The following HDGFL2 variants were observed in gnomAD, a reference collection of about 807,000 sequenced individuals.
The protein encoded by HDGFL2 is HDGF like 2, also known as hepatoma-derived growth factor-related protein 2.
A neutral mutation model predicts 77.1 loss-of-function variants in HDGFL2; 36 were observed. The ratio of observed to expected loss-of-function variants is 0.47; its 90% confidence interval spans 0.36 to 0.62. HDGFL2 has a LOEUF of 0.62. Ranked by LOEUF, HDGFL2 falls within the 20% of genes least tolerant of loss-of-function variation. The pLI is 0.00. For synonymous variants in HDGFL2, 463 were observed against 413.1 expected (o/e 1.12, Z -1.46); for missense variants, 976 against 973.4 (o/e 1.00, Z -0.04).
intron 3 of HDGFL2, among the ~76,000 whole-genome samples, chr19:4,486,972 CTT>C (rs374433934): frequency 6.8e-6 from 1 of 148,128 alleles, no homozygotes. Flanking sequence ...CTCTCTCTCT[CTT>C]TTTTTTTTTG....
chr19:4,498,996 C>A (rs1334786720), intron 13 of HDGFL2, 81 bp downstream of exon 13: 6 of 989,532 alleles, frequency 6.1e-6, no homozygotes, highest in Non-Finnish European at 9.3e-6. Flanking sequence ...AGGCCCCCAG[C>A]AGGTTCCTGT....
Position 4,494,149 on chromosome 19 carries a change from G to A in HDGFL2, c.915-17G>A. The A allele has an allele frequency of 2.7e-6, 4 of 1,488,020 alleles. No individual in the cohort carries two copies. The highest frequency in any genetic ancestry group is 2.5e-5 in the Admixed American group (1 of 40,542). 92.2% of individuals were successfully genotyped at this position (1,488,020 alleles called of 1,614,324 possible). A position where few individuals can be genotyped will look rare whatever the true frequency, so the allele number is the denominator to read the frequency against. On this transcript the variant is annotated splice_polypyrimidine_tract_variant and intron_variant, in intron 8 of 15. Coordinates refer to ENST00000616600, the MANE Select transcript of HDGFL2 (RefSeq NM_001001520.3). ...GAGGGAGGAACGGAGGTCCCCAACCGCCCCCTCCGCCTCCAGTGACAGCGA... is the reference window on the plus strand; with the variant it reads ...GAGGGAGGAACGGAGGTCCCCAACCACCCCCTCCGCCTCCAGTGACAGCGA...
intron 10 of HDGFL2, 56 bp downstream of exon 10, chr19:4,496,461 A>G: frequency 1.5e-6 from 2 of 1,325,174 alleles, no homozygotes; most frequent in Admixed American, 1.9e-5. Flanking sequence ...GCATCACCCC[A>G]CAACCCTCAC....
At chr19:4,495,417 C>A (rs951693932) in intron 9 of HDGFL2, among the ~76,000 whole-genome samples, 1 of 138,210 alleles carries the variant, frequency 7.2e-6, no homozygotes, top group African/African-American at 2.6e-5. Context: ...AAATAGGCTC[C>A]GAATGAAGGG....
At chr19:4,478,993 T>G (rs894485557) in intron 3 of HDGFL2, among the ~76,000 whole-genome samples, 11 of 151,382 alleles carry the variant, frequency 7.3e-5, no homozygotes, top group Admixed American at 2.0e-4. Context: ...GCGGGAAGTA[T>G]TTTTTCCATT....
intron 6 of HDGFL2, 89 bp from the exon 7 acceptor site, chr19:4,493,614 C>T: frequency 7.7e-7 from 1 of 1,296,178 alleles, no homozygotes; most frequent in East Asian, 3.1e-5. Flanking sequence ...CTGGCGGCTG[C>T]AGGGGTGCGG....
Position 4,494,468 on chromosome 19 carries a change from A to T in HDGFL2, c.1217A>T (p.Glu406Val). Residue 406 changes from glutamate to valine, a missense_variant, in exon 9 of 16, where the codon GAG (glutamate) becomes GTG (valine). By Grantham distance (121) the Glu-to-Val change is moderately radical. Transcript: ENST00000616600. The part of the protein sequence containing the change: ...SSDSEPEAEL[E>V]REAKKSAKKP... ...GACTCCGAGCCCGAGGCCGAGCTGG[A>T]GAGAGAGGTGAGCCGGGAGGGCGCC... 7.2e-7 allele frequency: 1 copy of T among 1,388,024 alleles called. No homozygotes were observed. Among genetic ancestry groups the T allele is most frequent in the Non-Finnish European group, 9.3e-7 (1 of 1,075,424 alleles). 86.0% of individuals were successfully genotyped at this position (1,388,024 alleles called of 1,614,324 possible). A position where few individuals can be genotyped will look rare whatever the true frequency, so the allele number is the denominator to read the frequency against.
intron 11 of HDGFL2, 68 bp downstream of exon 11, chr19:4,498,099 G>A: frequency 7.0e-7 from 1 of 1,427,888 alleles, no homozygotes; most frequent in Non-Finnish European, 9.6e-7. Flanking sequence ...GCCGTGGCGT[G>A]GCTGGCCTGT....
chr19:4,478,364 G>A (rs1975126921), intron 3 of HDGFL2, among the ~76,000 whole-genome samples: 1 of 151,760 alleles, frequency 6.6e-6, no homozygotes, highest in Non-Finnish European at 1.5e-5. Context: ...TACCATGCCT[G>A]GCTAATTTTG....
At position 4,494,186 on chromosome 19, in the gene HDGFL2, G is replaced by A. The variant is rs1224448436; in HGVS notation, c.935G>A (p.Arg312His). The A allele has an allele frequency of 5.4e-6, 8 of 1,492,422 alleles. No homozygotes were observed. The highest frequency in any genetic ancestry group is 2.5e-5 in the Admixed American group (1 of 40,306). 92.4% of individuals were successfully genotyped at this position (1,492,422 alleles called of 1,614,324 possible). A position where few individuals can be genotyped will look rare whatever the true frequency, so the allele number is the denominator to read the frequency against. ...TCCAGTGACAGCGACGAGGTGGACC[G>A]CATCAGTGAGTGGAAGCGGCGGGAC... Reference protein sequence around the residue: ...SSDSDSDEVDRISEWKRRDEA... With the variant: ...SSDSDSDEVDHISEWKRRDEA... Residue 312 changes from arginine to histidine, a missense_variant, in exon 9 of 16, where the codon CGC becomes CAC. By Grantham distance (29) the Arg-to-His change is conservative. Around this residue, in one of 5 missense-constraint regions of HDGFL2, gnomAD observed 567 missense variants for 534.7 expected, o/e 1.06. Transcript: ENST00000616600.
At position 4,501,178 on chromosome 19, in the gene HDGFL2, C is replaced by G; in HGVS notation, c.1790-13C>G. The stretch of plus-strand genomic sequence containing the variant: ...AGCCCAGCAGTGTCCTGTGACCCCT[C>G]TGTCCCACCCAGATCTCTCAGCCCC... On this transcript the variant is annotated splice_polypyrimidine_tract_variant and intron_variant, in intron 14 of 15. Transcript: ENST00000616600. 1 of 1,612,982 alleles carries G rather than the reference C, an allele frequency of 6.2e-7. No individual in the cohort carries two copies. The highest frequency in any genetic ancestry group is 1.3e-5 in the African/African-American group (1 of 75,060).
Position 4,498,038 on chromosome 19 carries a change from C to G in HDGFL2, c.1402+7C>G. 1 of 1,552,882 alleles carries G rather than the reference C, an allele frequency of 6.4e-7. No homozygotes were observed. Among genetic ancestry groups the G allele is most frequent in the Non-Finnish European group, 8.7e-7 (1 of 1,147,446 alleles). ...AAGGTAGAGAAGAAGAAAGGTGAGG[C>G]CTGGCTGCCCAGCACTGCCCACACT... On this transcript the variant is annotated splice_region_variant and intron_variant, in intron 11 of 15. Coordinates refer to ENST00000616600, the MANE Select transcript of HDGFL2 (RefSeq NM_001001520.3).
chr19:4,497,171 C>A (rs1328965280), intron 10 of HDGFL2: 1 of 439,458 alleles, frequency 2.3e-6, no homozygotes, highest in Non-Finnish European at 4.5e-6. Flanking sequence ...CCGTGCCTGG[C>A]TGCAGCCCAC....
chr19:4,494,822 A>T (rs559624277), intron 9 of HDGFL2, among the ~76,000 whole-genome samples: 1 of 152,248 alleles, frequency 6.6e-6, no homozygotes, highest in South Asian at 2.1e-4. Flanking sequence ...CAGGAGGCTG[A>T]GGCAGGAGGA....
rs746479502 is a variant in HDGFL2, at chr19:4,494,204, G to A, written c.953G>A (p.Arg318Gln). 4 of 1,473,734 alleles carry A rather than the reference G, an allele frequency of 2.7e-6. No homozygotes were observed. In the East Asian group the frequency reaches 7.9e-5, roughly 29 times the overall value. The allele number at this position is 1,473,734 out of a possible 1,614,324, so 91.3% of individuals were successfully genotyped here. Residue 318 changes from arginine to glutamine, a missense_variant, in exon 9 of 16, where the codon CGG (arginine) becomes CAG (glutamine). This residue lies in a region of HDGFL2 where 567 missense variants were observed against 534.7 expected (regional missense o/e 1.06). Transcript: ENST00000616600. ...GTGGACCGCATCAGTGAGTGGAAGC[G>A]GCGGGACGAGGCGCGGAGGCGCGAG... ...DEVDRISEWK[R>Q]RDEARRRELE...
At chr19:4,501,398 G>A (rs1479292786) in intron 15 of HDGFL2, 81 bp downstream of exon 15, 8 of 1,477,706 alleles carry the variant, frequency 5.4e-6, no homozygotes, top group South Asian at 2.7e-5. Flanking sequence ...CGCTCCTCCT[G>A]TGCCAGTCCC....
chr19:4,475,027 T>C, intron 1 of HDGFL2: 1 of 510,486 alleles, frequency 2.0e-6, no homozygotes, highest in Non-Finnish European at 3.5e-6. Flanking sequence ...CTGGCTTTGC[T>C]CAGGTGGAGC....
chr19:4,479,891 A>ATGAGACTC (rs1975170274), intron 3 of HDGFL2, among the ~76,000 whole-genome samples: 1 of 149,364 alleles, frequency 6.7e-6, no homozygotes, highest in South Asian at 2.1e-4. Flanking sequence ...GGGCGACAGA[A>ATGAGACTC]TGAGACTCTG....
At chr19:4,488,652 C>T (rs763676874) in intron 3 of HDGFL2, 24 bp from the exon 4 acceptor site, 31 of 1,533,240 alleles carry the variant, frequency 2.0e-5, no homozygotes, top group South Asian at 8.3e-5. Flanking sequence ...TGGTGACGCG[C>T]GTTCTCTGCC....
Sources: allele counts gnomAD v4.1 joint callset (sites outside exome capture counted in the v4.1 genomes callset), GRCh38; gene constraint gnomAD v4.1.1; regional missense constraint gnomAD v4.1.1; transcripts MANE v1.5; gene names NCBI Gene and HGNC (gene_info 2026-07-23, HGNC 2026-07-21).